The following SORBS2 variants were observed in gnomAD, a reference collection of about 807,000 sequenced individuals.
SORBS2 encodes sorbin and SH3 domain-containing protein 2.
In SORBS2, 46 loss-of-function variants were observed where a neutral mutation model predicts 97.7. The observed-to-expected ratio is 0.47, with a 90% CI of 0.37 to 0.60. The LOEUF (loss-of-function observed/expected upper bound fraction) is 0.60, where lower values mean the gene tolerates loss of function less well. Among genes scored for constraint, SORBS2 ranks in the 20% least tolerant of loss-of-function variants. The pLI, the probability that SORBS2 is intolerant of heterozygous loss-of-function variation, is 0.00. For synonymous variants in SORBS2, 476 were observed against 473.4 expected (o/e 1.01, Z -0.07); for missense variants, 1,316 against 1,282.3 (o/e 1.03, Z -0.40).
chr4:185,689,151 A>G (rs2098039966), intron 2 of SORBS2, among the ~76,000 whole-genome samples: 1 of 152,254 alleles, frequency 6.6e-6, no homozygotes, highest in Non-Finnish European at 1.5e-5. Context: ...CAGCATATTC[A>G]GTATATCATG....
At chr4:185,619,672 T>C (rs1000063081) in intron 8 of SORBS2, among the ~76,000 whole-genome samples, 4 of 152,230 alleles carry the variant, frequency 2.6e-5, no homozygotes, top group Admixed American at 2.6e-4. Context: ...GTAGGCTCTG[T>C]ATTGATTTAC....
chr4:185,862,756 T>C (rs1410186494), intron 1 of SORBS2, among the ~76,000 whole-genome samples: 1 of 152,224 alleles, frequency 6.6e-6, no homozygotes, highest in Non-Finnish European at 1.5e-5. Flanking sequence ...TTGCCTCTTC[T>C]TCCTCTGCCC....
chr4:185,652,827 T>G (rs1438122953), intron 1 of SORBS2, 99 bp from the exon 10 acceptor site: 30 of 884,244 alleles, frequency 3.4e-5, no homozygotes, highest in South Asian at 3.3e-4. Flanking sequence ...AATAACAGAG[T>G]CCCATTCTGT....
Position 185,623,073 on chromosome 4 carries a change from G to A in SORBS2, c.2056C>T (p.Pro686Ser). ...AGTGGGTGGAGAGGCTGGTGCAGGG[G>A]GCTCCTCCTCAGCGCTCTCAGGGAT... Residue 686 changes from proline to serine, a missense_variant, in exon 7 of 15, where the codon CCC becomes TCC. Coordinates refer to ENST00000418609, the Ensembl canonical transcript of SORBS2. This position sits in a 1 kb window ranked among gnomAD's most constrained non-coding sequence, Gnocchi z 6.4. 1 of 1,614,118 alleles carries A rather than the reference G, an allele frequency of 6.2e-7. No individual in the cohort carries two copies. The highest frequency in any genetic ancestry group is 8.5e-7 in the Non-Finnish European group (1 of 1,180,024).
intron 2 of SORBS2, among the ~76,000 whole-genome samples, chr4:185,765,248 AT>A (rs1426319138): frequency 1.1e-4 from 16 of 152,132 alleles, no homozygotes; most frequent in African/African-American, 3.9e-4. Flanking sequence ...CTAAAACACT[AT>A]TTGGTTTTAC....
chr4:185,928,616 G>T (rs2099264890), intron 1 of SORBS2, among the ~76,000 whole-genome samples: 1 of 152,032 alleles, frequency 6.6e-6, no homozygotes, highest in Admixed American at 6.5e-5. Flanking sequence ...CGCGATCTTG[G>T]CTCACTGCAA....
intron 1 of SORBS2, among the ~76,000 whole-genome samples, chr4:185,799,366 G>A (rs1054170535): frequency 3.3e-5 from 5 of 152,234 alleles, no homozygotes; most frequent in Admixed American, 6.5e-5. Context: ...GAGATGCCCA[G>A]TGACATTGGC....
intron 4 of SORBS2, among the ~76,000 whole-genome samples, chr4:185,640,472 G>GACTAAATGTCTAA (rs2097108360): frequency 6.6e-6 from 1 of 152,072 alleles, no homozygotes; most frequent in Admixed American, 6.5e-5. Flanking sequence ...CCTACTATTA[G>GACTAAATGTCTAA]ACATAGGAAA....
chr4:185,647,637 T>C (rs1419794192), intron 3 of SORBS2, among the ~76,000 whole-genome samples: 3 of 152,130 alleles, frequency 2.0e-5, no homozygotes, highest in South Asian at 2.1e-4. Flanking sequence ...CCATGGCCCG[T>C]TGGAAATAGA....
At chr4:185,840,344 A>T (rs182733801) in intron 1 of SORBS2, among the ~76,000 whole-genome samples, 1 of 152,204 alleles carries the variant, frequency 6.6e-6, no homozygotes, top group Non-Finnish European at 1.5e-5. Context: ...TCATTCATAC[A>T]AGATAGAATC....
intron 1 of SORBS2, among the ~76,000 whole-genome samples, chr4:185,834,469 C>T (rs1410313962): frequency 6.6e-6 from 1 of 152,066 alleles, no homozygotes; most frequent in Non-Finnish European, 1.5e-5. Flanking sequence ...AAAATATACC[C>T]TACCTACTCT....
chr4:185,706,518 A>T (rs988436151), intron 2 of SORBS2, among the ~76,000 whole-genome samples: 23 of 152,168 alleles, frequency 1.5e-4, no homozygotes, highest in African/African-American at 4.6e-4. Flanking sequence ...AAGGTCATGT[A>T]CATCCCCCTC....
At chr4:185,657,576 G>T (rs1198986064), upstream of SORBS2, 1 of 1,588,784 alleles carries the variant, frequency 6.3e-7, no homozygotes, top group African/African-American at 1.4e-5. Flanking sequence ...TGCGCATGCT[G>T]GGGATATGTG....
rs112009819 is a variant in SORBS2, at chr4:185,599,825, C to G, written c.2797-5890G>C. On this transcript the variant is annotated intron_variant, in intron 12 of 14. Transcript: ENST00000418609. ...CATCACCAGGTGGTCGCTTCATCTT[C>G]AGGGTGTCTCCAGCCTCACTTTAAG... Among the ~76,000 whole-genome samples, 1,199 of 152,270 alleles carry G rather than the reference C, an allele frequency of 7.9e-3. 11 individuals carry two copies. Among genetic ancestry groups the G allele is most frequent in the African/African-American group, 0.028 (1,150 of 41,548 alleles).
chr4:185,817,768 G>C (rs569191911), intron 1 of SORBS2, among the ~76,000 whole-genome samples: 1 of 152,326 alleles, frequency 6.6e-6, no homozygotes, highest in East Asian at 1.9e-4. Context: ...GTGAAACTGG[G>C]CAGCTTCCGT....
At chr4:185,956,356 C>T (rs2150041174) in exon 1 of SORBS2, 1 of 152,312 alleles carries the variant, frequency 6.6e-6, no homozygotes, top group South Asian at 2.1e-4. Context: ...GGTGTTCATC[C>T]ACAATAAAAG....
chr4:185,795,858 T>C (rs940765577), intron 1 of SORBS2, among the ~76,000 whole-genome samples: 13 of 152,130 alleles, frequency 8.5e-5, no homozygotes, highest in Admixed American at 3.9e-4. Context: ...CCCAAAACAC[T>C]TTTTCCATGT....
chr4:185,932,103 A>G (rs979746599), intron 1 of SORBS2, among the ~76,000 whole-genome samples: 1 of 151,706 alleles, frequency 6.6e-6, no homozygotes, highest in African/African-American at 2.4e-5. Flanking sequence ...TTTATTATAT[A>G]CACATAATAA....
intron 2 of SORBS2, among the ~76,000 whole-genome samples, chr4:185,713,259 C>A (rs959320382): frequency 5.3e-5 from 8 of 152,188 alleles, no homozygotes; most frequent in South Asian, 2.1e-4. Flanking sequence ...AGCCCCAGGT[C>A]TCTCCTTGAG....
Sources: allele counts gnomAD v4.1 joint callset (sites outside exome capture counted in the v4.1 genomes callset), GRCh38; gene constraint gnomAD v4.1.1; non-coding constraint Gnocchi (gnomAD v3.1); transcripts MANE v1.5; gene names NCBI Gene and HGNC (gene_info 2026-07-23, HGNC 2026-07-21).